Variants in CCSER1 observed in about 807,000 individuals in gnomAD.
The protein encoded by CCSER1 is serine-rich coiled-coil domain-containing protein 1.
A neutral mutation model predicts 82.0 loss-of-function variants in CCSER1; 41 were observed. The ratio of observed to expected loss-of-function variants is 0.50; its 90% CI spans 0.39 to 0.65. The LOEUF (loss-of-function observed/expected upper bound fraction) is 0.65. CCSER1 is among the 30% of genes least tolerant of loss of function. The pLI is 0.00. For missense variants in CCSER1, 1,119 were observed against 1,064.2 expected (o/e 1.05, Z -0.72); for synonymous variants, 414 against 383.9 (o/e 1.08, Z -0.92).
At chr4:90,655,511 G>C (rs1450446293) in intron 6 of CCSER1, among the ~76,000 whole-genome samples, 1 of 151,902 alleles carries the variant, frequency 6.6e-6, no homozygotes, top group Non-Finnish European at 1.5e-5. Flanking sequence ...TTCCACCTAT[G>C]AAGGCAACAC....
intron 7 of CCSER1, chr4:90,780,455 G>T: frequency 6.2e-7 from 1 of 1,612,042 alleles, no homozygotes; most frequent in Non-Finnish European, 8.5e-7. Flanking sequence ...ACATACCCTA[G>T]GGAATTCTGA....
At chr4:91,426,058 GC>G (rs1048470977) in intron 10 of CCSER1, among the ~76,000 whole-genome samples, 22 of 152,016 alleles carry the variant, frequency 1.4e-4, no homozygotes, top group African/African-American at 4.3e-4. Context: ...ATCCCAATAG[GC>G]CCCGATGTGT....
intron 8 of CCSER1, among the ~76,000 whole-genome samples, chr4:90,877,168 TA>T (rs1767320827): frequency 6.6e-6 from 1 of 152,072 alleles, no homozygotes; most frequent in South Asian, 2.1e-4. Context: ...AAGGTGCAGG[TA>T]AAAAGCTTGA....
chr4:90,284,928 T>C (rs1436830541), intron 1 of CCSER1, among the ~76,000 whole-genome samples: 2 of 152,088 alleles, frequency 1.3e-5, no homozygotes, highest in East Asian at 1.9e-4. Flanking sequence ...GGCAACTTTG[T>C]CAAAAATGAG....
At chr4:90,449,039 C>G (rs989064808) in intron 4 of CCSER1, among the ~76,000 whole-genome samples, 1 of 152,184 alleles carries the variant, frequency 6.6e-6, no homozygotes, top group African/African-American at 2.4e-5. Flanking sequence ...GCAGATTGTC[C>G]CAACATCTGT....
At chr4:91,098,330 T>C (rs1216144961) in intron 10 of CCSER1, among the ~76,000 whole-genome samples, 2 of 152,224 alleles carry the variant, frequency 1.3e-5, no homozygotes, top group Non-Finnish European at 2.9e-5. Context: ...ATTCTGAGAA[T>C]CAGATAAATT....
chr4:91,254,683 A>G (rs1156439750), intron 10 of CCSER1, among the ~76,000 whole-genome samples: 1 of 152,162 alleles, frequency 6.6e-6, no homozygotes, highest in Non-Finnish European at 1.5e-5. Context: ...AAAAGTGGTA[A>G]AGATGCTAAA....
intron 9 of CCSER1, among the ~76,000 whole-genome samples, chr4:91,042,970 A>G (rs890603653): frequency 2.0e-5 from 3 of 152,208 alleles, no homozygotes; most frequent in Admixed American, 6.5e-5. Context: ...AATCTTGCCT[A>G]CATTCAGCCA....
At chr4:90,317,038 G>C (rs1736297212) in intron 3 of CCSER1, among the ~76,000 whole-genome samples, 1 of 152,030 alleles carries the variant, frequency 6.6e-6, no homozygotes, top group African/African-American at 2.4e-5. Flanking sequence ...AATTTAAAAT[G>C]CTGTTCTAGA....
At chr4:90,438,881 G>T (rs186396266) in intron 4 of CCSER1, among the ~76,000 whole-genome samples, 2 of 152,264 alleles carry the variant, frequency 1.3e-5, no homozygotes, top group Non-Finnish European at 2.9e-5. Flanking sequence ...ATTTGGCACA[G>T]TGCAGATAGT....
chr4:91,139,762 T>C (rs1254390354), intron 10 of CCSER1, among the ~76,000 whole-genome samples: 1 of 152,194 alleles, frequency 6.6e-6, no homozygotes, highest in Non-Finnish European at 1.5e-5. Context: ...GTGTCTAATA[T>C]ACATTTGTAA....
At chr4:90,642,098 C>T (rs902320133) in intron 6 of CCSER1, 5 of 169,678 alleles carry the variant, frequency 2.9e-5, no homozygotes, top group East Asian at 1.6e-4. Flanking sequence ...ATACTTGAGT[C>T]GTCAGCGCTT....
At chr4:91,113,451 C>G (rs1726261494) in intron 10 of CCSER1, among the ~76,000 whole-genome samples, 1 of 152,250 alleles carries the variant, frequency 6.6e-6, no homozygotes, top group African/African-American at 2.4e-5. Context: ...TGGAGACTTA[C>G]GTTTTGAGTG....
intron 10 of CCSER1, among the ~76,000 whole-genome samples, chr4:91,378,054 G>T (rs530088477): frequency 3.6e-4 from 55 of 152,220 alleles, no homozygotes; most frequent in African/African-American, 1.3e-3. Context: ...AAGATCAGAT[G>T]GTTGTAGATG....
At chr4:90,574,317 G>A (rs570381489) in intron 5 of CCSER1, among the ~76,000 whole-genome samples, 11 of 133,836 alleles carry the variant, frequency 8.2e-5, no homozygotes, top group African/African-American at 3.0e-4. Flanking sequence ...GCTGGACTGC[G>A]GACTGCAGTG....
chr4:90,185,393 A>C lies in CCSER1; in HGVS notation c.-42+57562A>C, dbSNP rs141158361. 4.1e-3 allele frequency among the ~76,000 whole-genome samples: 630 copies of C among 152,176 alleles called. 6 individuals are homozygous for C. Among genetic ancestry groups the C allele is most frequent in the African/African-American group, 0.014 (588 of 41,552 alleles). On this transcript the variant is annotated intron_variant, in intron 1 of 10. Transcript: ENST00000509176. ...CTAGTTGAGTACTTGAAAGGCAGACATGAGAAACATGATTAAATGAATAAT... is the reference window on the plus strand; with the variant it reads ...CTAGTTGAGTACTTGAAAGGCAGACCTGAGAAACATGATTAAATGAATAAT...
At chr4:90,381,019 C>T (rs1188115604) in intron 3 of CCSER1, among the ~76,000 whole-genome samples, 1 of 152,220 alleles carries the variant, frequency 6.6e-6, no homozygotes, top group East Asian at 1.9e-4. Context: ...TGATGGCACC[C>T]AGGAGTGCTG....
At chr4:90,939,549 A>G (rs1177791245) in intron 9 of CCSER1, among the ~76,000 whole-genome samples, 1 of 152,152 alleles carries the variant, frequency 6.6e-6, no homozygotes, top group African/African-American at 2.4e-5. Flanking sequence ...GCCCAAAAGA[A>G]TGGCTCAATG....
At chr4:91,156,209 T>C (rs971003837) in intron 10 of CCSER1, among the ~76,000 whole-genome samples, 2 of 151,750 alleles carry the variant, frequency 1.3e-5, no homozygotes, top group African/African-American at 2.4e-5. Context: ...GTACTTGAAG[T>C]ATCCCATTAC....
Sources: allele counts gnomAD v4.1 joint callset (sites outside exome capture counted in the v4.1 genomes callset), GRCh38; gene constraint gnomAD v4.1.1; transcripts MANE v1.5; gene names NCBI Gene and HGNC (gene_info 2026-07-23, HGNC 2026-07-21).